The following PLEKHG1 variants were observed in gnomAD, a reference collection of about 807,000 sequenced individuals.
PLEKHG1 encodes the protein pleckstrin homology and RhoGEF domain containing G1, also known as pleckstrin homology domain-containing family G member 1.
In PLEKHG1, 44 loss-of-function variants were observed where a neutral mutation model predicts 100.8. That is an observed-to-expected ratio of 0.44 (90% CI 0.34 to 0.56). PLEKHG1 has a LOEUF of 0.56. PLEKHG1 is among the 20% of genes least tolerant of loss of function. PLEKHG1 has a pLI of 0.01. For missense variants in PLEKHG1, 1,545 were observed against 1,720.9 expected, an observed-to-expected ratio of 0.90 and a Z score of 1.81; for synonymous variants, 640 against 662.5, an observed-to-expected ratio of 0.97 and a Z score of 0.52.
chr6:150,759,826 A>G (rs1172640911), intron 2 of PLEKHG1, among the ~76,000 whole-genome samples: 2 of 152,040 alleles, frequency 1.3e-5, no homozygotes, highest in Non-Finnish European at 2.9e-5. Context: ...GTGAGACCCT[A>G]TCTTTACAAA....
chr6:150,604,855 G>C (rs1410378516), intron 1 of PLEKHG1, among the ~76,000 whole-genome samples: 1 of 152,174 alleles, frequency 6.6e-6, no homozygotes, highest in Non-Finnish European at 1.5e-5. Flanking sequence ...ACAGACCACA[G>C]ATAACTCCTA....
chr6:150,688,114 G>A (rs917280579), intron 3 of PLEKHG1, among the ~76,000 whole-genome samples: 8 of 152,076 alleles, frequency 5.3e-5, no homozygotes, highest in African/African-American at 1.9e-4. Context: ...GTGATTATTT[G>A]TAAAACCTAG....
intron 2 of PLEKHG1, among the ~76,000 whole-genome samples, chr6:150,760,251 A>ACCAG (rs1411442957): frequency 1.3e-5 from 2 of 152,126 alleles, no homozygotes; most frequent in Non-Finnish European, 2.9e-5. Flanking sequence ...CCACCACCTC[A>ACCAG]CCAGCCATTC....
At chr6:150,725,684 T>C (rs1359061561) in intron 1 of PLEKHG1, among the ~76,000 whole-genome samples, 1 of 152,164 alleles carries the variant, frequency 6.6e-6, no homozygotes, top group Non-Finnish European at 1.5e-5. Context: ...TTTGCTGTTG[T>C]TGCCTGTGCT....
chr6:150,826,371 T>C (rs564149915), intron 14 of PLEKHG1, among the ~76,000 whole-genome samples: 1 of 152,268 alleles, frequency 6.6e-6, no homozygotes, highest in East Asian at 1.9e-4. Context: ...GGCAGGAGAA[T>C]CACTTGAACC....
upstream of PLEKHG1, among the ~76,000 whole-genome samples, chr6:150,718,568 C>T (rs1331050933): frequency 6.7e-6 from 1 of 149,848 alleles, no homozygotes; most frequent in Admixed American, 6.7e-5. Context: ...CTCCCTGGTT[C>T]AAGTGATTCT....
exon 7 of PLEKHG1, chr6:150,804,624 C>G: frequency 6.3e-7 from 1 of 1,586,582 alleles, no homozygotes; most frequent in Non-Finnish European, 8.5e-7. Context: ...TAGAAAACCA[C>G]CTTGATAAGG....
chr6:150,784,772 AAAG>A (rs1785514673), intron 3 of PLEKHG1, among the ~76,000 whole-genome samples: 2 of 152,322 alleles, frequency 1.3e-5, no homozygotes, highest in Non-Finnish European at 2.9e-5. Flanking sequence ...AAAGAAAAAA[AAAG>A]AGAAACAATT....
At chr6:150,653,113 G>T (rs777389490) in intron 3 of PLEKHG1, among the ~76,000 whole-genome samples, 26 of 152,184 alleles carry the variant, frequency 1.7e-4, no homozygotes, top group Non-Finnish European at 3.5e-4. Context: ...AAATCAATAG[G>T]TTCTGGTCTG....
In PLEKHG1 at chr6:150,831,304, G is replaced by T. The variant is rs149258837; in HGVS notation, c.2193G>T (p.Thr731=). 1.9e-6 allele frequency: 3 copies of T among 1,614,114 alleles called. No individual in the cohort carries two copies. Among genetic ancestry groups the T allele is most frequent in the South Asian group, 1.1e-5 (1 of 91,076 alleles). Reference sequence around the variant, plus strand: ...GTGGAGAGGCATCCAGCCAAAGCACGCATGAACTCCAAGCGGTTGAGGAGA... The same window carrying T: ...GTGGAGAGGCATCCAGCCAAAGCACTCATGAACTCCAAGCGGTTGAGGAGA... Residue 731 remains threonine, a synonymous_variant, in exon 15 of 16, where the codon ACG becomes ACT. Coordinates refer to ENST00000358517, the Ensembl canonical transcript of PLEKHG1. This position sits in a 1 kb window ranked among gnomAD's most constrained non-coding sequence, Gnocchi z 4.1.
chr6:150,754,538 G>A (rs947102471), intron 2 of PLEKHG1, among the ~76,000 whole-genome samples: 3 of 152,076 alleles, frequency 2.0e-5, no homozygotes, highest in Admixed American at 6.6e-5. Context: ...TCAAGGCAGC[G>A]ATGAGAGAGA....
chr6:150,627,503 G>A (rs1777555758), intron 1 of PLEKHG1, among the ~76,000 whole-genome samples: 1 of 151,742 alleles, frequency 6.6e-6, no homozygotes, highest in African/African-American at 2.4e-5. Flanking sequence ...AAATAGCAGT[G>A]GCCTTTAAAA....
intron 12 of PLEKHG1, 143 bp downstream of exon 13, chr6:150,819,917 G>A: frequency 1.6e-6 from 1 of 626,018 alleles, no homozygotes; most frequent in Admixed American, 2.5e-5. Context: ...CTTAAGATGG[G>A]ACTCATGAGC....
chr6:150,683,839 C>T lies in PLEKHG1; in HGVS notation c.-99+33053C>T, dbSNP rs947650755. The stretch of plus-strand genomic sequence containing the variant: ...AATCGTGTTCTGGGCCAAAGCATCA[C>T]AGGCGAGTGAAATATGGGAATATTG... On this transcript the variant is annotated intron_variant, in intron 3 of 3. Coordinates refer to the PLEKHG1 transcript ENST00000367326. This position sits in a 1 kb window ranked among gnomAD's most constrained non-coding sequence, Gnocchi z 4.0. The T allele has an allele frequency of 1.6e-6, 2 of 1,286,944 alleles. No individual in the cohort carries two copies. The highest frequency in any genetic ancestry group is 3.0e-5 in the African/African-American group (2 of 65,848). The allele number at this position is 1,286,944 out of a possible 1,614,324, so 79.7% of individuals were successfully genotyped here.
chr6:150,769,379 C>A (rs1247388024), intron 3 of PLEKHG1, among the ~76,000 whole-genome samples: 4 of 151,804 alleles, frequency 2.6e-5, no homozygotes, highest in Middle Eastern at 3.4e-3. Context: ...GTTAGGAGTT[C>A]GAGACCAGCC....
rs146924292 is a variant in PLEKHG1, at chr6:150,768,410, G to T, written c.412-228G>T. ...CTGGGGAAGCTCTAATATATTTAGG[G>T]AGTAGACAGAATGTATACCACACTC... On this transcript the variant is annotated intron_variant, in intron 2 of 15. Coordinates refer to ENST00000358517, the Ensembl canonical transcript of PLEKHG1. Among the ~76,000 whole-genome samples the T allele has an allele frequency of 5.6e-3, 859 of 152,200 alleles. 4 individuals are homozygous for T. Among genetic ancestry groups the T allele is most frequent in the Middle Eastern group, 0.027 (8 of 292 alleles).
At chr6:150,708,396 T>C (rs1781108332) in intron 3 of PLEKHG1, among the ~76,000 whole-genome samples, 1 of 152,166 alleles carries the variant, frequency 6.6e-6, no homozygotes, top group East Asian at 1.9e-4. Context: ...AGCCCCACCT[T>C]CATTCCCCAC....
intron 1 of PLEKHG1, among the ~76,000 whole-genome samples, chr6:150,608,935 T>C (rs1383799890): frequency 6.6e-6 from 1 of 152,222 alleles, no homozygotes; most frequent in East Asian, 1.9e-4. Flanking sequence ...AGGAAGCCTT[T>C]GATAAATAGT....
rs145438095 is a variant in PLEKHG1 at position 150,753,850 on chromosome 6, T to C, written c.412-14788T>C. Among the ~76,000 whole-genome samples the C allele has an allele frequency of 7.1e-3, 1,084 of 152,284 alleles. 11 individuals carry two copies. The highest frequency in any genetic ancestry group is 0.025 in the African/African-American group (1,026 of 41,548). On this transcript the variant is annotated intron_variant, in intron 2 of 15. Coordinates refer to ENST00000358517, the Ensembl canonical transcript of PLEKHG1. ...GAGGAATGTTGGGCTGGGTCAAGATTCTGTACAGCCCTCGCCTCTTAGCTA... is the reference window on the plus strand; with the variant it reads ...GAGGAATGTTGGGCTGGGTCAAGATCCTGTACAGCCCTCGCCTCTTAGCTA...
Sources: gnomAD v4.1 joint callset for allele counts (sites outside exome capture counted in the v4.1 genomes callset) on GRCh38, gnomAD v4.1.1 for gene constraint, Gnocchi (gnomAD v3.1) non-coding constraint, MANE v1.5 for transcripts, NCBI Gene and HGNC (gene_info 2026-07-23, HGNC 2026-07-21) for gene names.